The following MAGEC3 variants were observed in gnomAD, a reference collection of about 807,000 sequenced individuals.
The protein encoded by MAGEC3 is melanoma-associated antigen C3.
Under a neutral mutation model 35.3 loss-of-function variants are expected in MAGEC3, and 34 were observed. That is an observed-to-expected ratio of 0.96 (90% CI 0.73 to 1.28). The LOEUF (loss-of-function observed/expected upper bound fraction) is 1.28, where lower values mean the gene tolerates loss of function less well. MAGEC3 is among the 50% of genes most tolerant of loss of function. The pLI, the probability that MAGEC3 is intolerant of heterozygous loss-of-function variation, is 0.00. For missense variants in MAGEC3, 561 were observed against 483.6 expected (o/e 1.16, Z -1.50); for synonymous variants, 202 against 185.6 (o/e 1.09, Z -0.72).
At chrX:141,876,075 AG>A (rs1030116797) in intron 2 of MAGEC3, among the ~76,000 whole-genome samples, 16 of 112,437 alleles carry the variant, frequency 1.4e-4, no homozygotes, top group African/African-American at 4.5e-4. Flanking sequence ...GGGTCCTGTC[AG>A]GAGTAAGAAC....
At chrX:141,893,506 A>AAACTTATGGGGGC (rs2018058450) in intron 4 of MAGEC3, among the ~76,000 whole-genome samples, 1 of 111,042 alleles carries the variant, frequency 9.0e-6, no homozygotes, top group Non-Finnish European at 1.9e-5. Context: ...CACACTTATC[A>AAACTTATGGGGGC]AAACCTACAG....
Position 141,838,418 on chromosome X carries a change from G to T in MAGEC3, c.103G>T (p.Val35Leu), listed in dbSNP as rs1322629462. Reference sequence around the variant, plus strand: ...TGCCACATATGCCTTATCCCCAGTGGTGCTCCCACCTCAGCCCCAGGTGTG... The same window carrying T: ...TGCCACATATGCCTTATCCCCAGTGTTGCTCCCACCTCAGCCCCAGGTGTG... ...TCATYALSPVVLPPQPQPRKK... is the reference protein window; with the variant it reads ...TCATYALSPVLLPPQPQPRKK... The change falls in exon 1 of 8, where the codon GTG becomes TTG. Residue 35 changes from valine (V) to leucine (L), a missense_variant. Physicochemically the swap from Val to Leu is conservative, Grantham distance 32 (BLOSUM62 1). Transcript: ENST00000298296. 5 of 1,208,482 alleles carry T rather than the reference G, an allele frequency of 4.1e-6. No individual in the cohort carries two copies. The Admixed American group carries it at 1.1e-4, about 26-fold the overall frequency.
At position 141,895,419 on chromosome X, in the gene MAGEC3, A is replaced by G; in HGVS notation, c.1048+12A>G. The G allele has an allele frequency of 4.1e-6, 5 of 1,210,256 alleles. No individual in the cohort carries two copies. Among genetic ancestry groups the G allele is most frequent in the Non-Finnish European group, 5.6e-6 (5 of 894,911 alleles). Reference sequence around the variant, plus strand: ...GGCCAATCCTCAAGGTAAGGGCCCTAAGGGAGAACTGAGGGACTTCGCACC... The same window carrying G: ...GGCCAATCCTCAAGGTAAGGGCCCTGAGGGAGAACTGAGGGACTTCGCACC... On this transcript the variant is annotated intron_variant, in intron 5 of 7. Coordinates refer to ENST00000298296, the MANE Select transcript of MAGEC3 (RefSeq NM_138702.1).
At chrX:141,859,250 A>G in intron 1 of MAGEC3, among the ~76,000 whole-genome samples, 1 of 110,971 alleles carries the variant, frequency 9.0e-6, no homozygotes, top group East Asian at 2.8e-4. Flanking sequence ...TTGTGTATCT[A>G]TTCTATTTGA....
intron 3 of MAGEC3, 90 bp downstream of exon 3, chrX:141,879,521 C>T (rs1324885327): frequency 5.2e-6 from 5 of 960,578 alleles, no homozygotes; most frequent in East Asian, 3.6e-5. Flanking sequence ...TGGAAAGGGT[C>T]GGGGAGGTAG....
At chrX:141,879,132 A>G (rs778338664) in intron 2 of MAGEC3, 43 bp from the exon 3 acceptor site, 79 of 1,138,686 alleles carry the variant, frequency 6.9e-5, no homozygotes, top group Non-Finnish European at 9.0e-5. Flanking sequence ...GGGAACACCC[A>G]TGACTGGTAG....
At chrX:141,895,606 G>C in intron 6 of MAGEC3, 47 bp downstream of exon 6, 1 of 1,122,663 alleles carries the variant, frequency 8.9e-7, no homozygotes, top group Non-Finnish European at 1.2e-6. Flanking sequence ...AGGAGGACTG[G>C]GGGAACCCCC....
intron 1 of MAGEC3, among the ~76,000 whole-genome samples, chrX:141,850,244 G>A (rs1019040863): frequency 9.1e-6 from 1 of 110,270 alleles, no homozygotes; most frequent in African/African-American, 3.3e-5. Context: ...AGGAAGGGAG[G>A]CATGGGTAGG....
chrX:141,897,352 A>G lies in MAGEC3; in HGVS notation c.1594A>G (p.Thr532Ala). ...TTTCTTTGAAGACACATTAGACCTC[A>G]CCTATGAGGGAAGCCTGATTGATGA... ...SYFFEDTLDL[T>A]YEGSLIDDQG... The change falls in exon 7 of 8, where the codon ACC becomes GCC. Residue 532 changes from threonine to alanine, a missense_variant. Thr to Ala is a moderately conservative substitution (Grantham distance 58, BLOSUM62 0). Transcript: ENST00000298296. The G allele has an allele frequency of 8.3e-7, 1 of 1,211,528 alleles. No homozygotes were observed. Among genetic ancestry groups the G allele is most frequent in the Non-Finnish European group, 1.1e-6 (1 of 895,363 alleles).
chrX:141,858,480 C>T (rs1018566182), intron 1 of MAGEC3, among the ~76,000 whole-genome samples: 3 of 111,281 alleles, frequency 2.7e-5, no homozygotes, highest in East Asian at 2.8e-4. Flanking sequence ...TCTAAAACCT[C>T]GTTTCTTACA....
chrX:141,896,578 T>G (rs2018096796), intron 6 of MAGEC3: 1 of 1,187,404 alleles, frequency 8.4e-7, no homozygotes, highest in Non-Finnish European at 1.1e-6. Context: ...GTCACTGTCT[T>G]CCTCAGGCCT....
intron 1 of MAGEC3, among the ~76,000 whole-genome samples, chrX:141,844,533 A>G (rs932838582): frequency 9.0e-6 from 1 of 110,965 alleles, no homozygotes; most frequent in Non-Finnish European, 1.9e-5. Context: ...TTGAAGTTTA[A>G]TGTCTTCAAA....
chrX:141,874,970 ACT>A (rs1434966117), intron 2 of MAGEC3, among the ~76,000 whole-genome samples: 2 of 111,510 alleles, frequency 1.8e-5, no homozygotes, highest in Non-Finnish European at 3.8e-5. Context: ...TAGATGTAAG[ACT>A]CTATATTTGC....
intron 1 of MAGEC3, among the ~76,000 whole-genome samples, chrX:141,840,897 CT>C (rs996136619): frequency 1.3e-4 from 14 of 109,293 alleles, no homozygotes; most frequent in South Asian, 3.8e-4. Context: ...TCCACTGCTT[CT>C]TTTTTTTTCT....
chrX:141,843,778 G>A (rs185323917), intron 1 of MAGEC3, among the ~76,000 whole-genome samples: 2 of 110,771 alleles, frequency 1.8e-5, no homozygotes, highest in East Asian at 5.7e-4. Context: ...GGTTTTTGAT[G>A]TTAGTTTGTT....
intron 1 of MAGEC3, among the ~76,000 whole-genome samples, chrX:141,853,910 G>A (rs1163291720): frequency 9.0e-6 from 1 of 110,956 alleles, no homozygotes; most frequent in Non-Finnish European, 1.9e-5. Context: ...GAACCATGAG[G>A]GTCCCAACTT....
intron 1 of MAGEC3, among the ~76,000 whole-genome samples, chrX:141,847,718 T>G (rs781667328): frequency 9.0e-6 from 1 of 110,678 alleles, no homozygotes; most frequent in African/African-American, 3.3e-5. Flanking sequence ...TAAAGCAGTG[T>G]TTAGAGGGAA....
intron 1 of MAGEC3, chrX:141,838,707 A>G (rs150515556): frequency 0.022 from 16,203 of 752,352 alleles, 127 homozygotes; most frequent in Non-Finnish European, 0.024. Context: ...GACAGTATGT[A>G]GTTCATCGGG....
At chrX:141,855,223 T>G (rs1303168219) in intron 1 of MAGEC3, among the ~76,000 whole-genome samples, 1 of 106,913 alleles carries the variant, frequency 9.4e-6, no homozygotes, top group African/African-American at 3.4e-5. Flanking sequence ...AAGATAGTTG[T>G]TTTTTTTTTC....
Sources: gnomAD v4.1 joint callset for allele counts (sites outside exome capture counted in the v4.1 genomes callset) on GRCh38, gnomAD v4.1.1 for gene constraint, MANE v1.5 for transcripts, NCBI Gene and HGNC (gene_info 2026-07-23, HGNC 2026-07-21) for gene names.